ADAM17: variants seen among roughly 807,000 people sequenced by gnomAD.
The protein encoded by ADAM17 is ADAM metallopeptidase domain 17.
A neutral mutation model predicts 96.7 loss-of-function variants in ADAM17; 39 were observed. That is an observed-to-expected ratio of 0.40 (90% confidence interval 0.31 to 0.53). The LOEUF (loss-of-function observed/expected upper bound fraction) is 0.53, where lower values mean the gene tolerates loss of function less well. ADAM17 is among the 20% of genes least tolerant of loss of function. The probability of loss-of-function intolerance (pLI) is 0.44; values close to 1 mark genes in which losing one functional copy is unlikely to be tolerated. For synonymous variants in ADAM17, 344 were observed against 359.2 expected, an observed-to-expected ratio of 0.96 and a Z score of 0.48; for missense variants, 777 against 1,013.2, an observed-to-expected ratio of 0.77 and a Z score of 3.17.
At chr2:9,531,610 G>C (rs958925606) in intron 4 of ADAM17, among the ~76,000 whole-genome samples, 8 of 152,130 alleles carry the variant, frequency 5.3e-5, no homozygotes, top group Non-Finnish European at 1.0e-4. Flanking sequence ...GCTGAGGCAG[G>C]AGAAATGCTT....
intron 2 of ADAM17, 62 bp downstream of exon 2, chr2:9,543,091 T>G (rs1305932279): frequency 1.4e-6 from 2 of 1,472,886 alleles, no homozygotes; most frequent in Non-Finnish European, 1.8e-6. Context: ...CCCTTACTTT[T>G]TTGTTTTTGC....
intron 10 of ADAM17, among the ~76,000 whole-genome samples, chr2:9,514,518 A>AATATATATATATATAT (rs70948826): frequency 2.8e-4 from 25 of 89,848 alleles, no homozygotes; most frequent in East Asian, 5.3e-4. Context: ...TTAAAATATA[A>AATATATATATATATAT]ATATATATAT....
intron 10 of ADAM17, 130 bp from the exon 11 acceptor site, chr2:9,510,261 A>T: frequency 9.7e-7 from 1 of 1,032,940 alleles, no homozygotes; most frequent in Non-Finnish European, 1.4e-6. Flanking sequence ...CTGCATGCTT[A>T]TAATACCAGC....
chr2:9,505,591 C>T (rs1663339899), intron 11 of ADAM17: 2 of 547,830 alleles, frequency 3.7e-6, no homozygotes, highest in South Asian at 4.2e-5. Context: ...GGTTAAGGAT[C>T]TATAATTCTT....
chr2:9,543,467 T>C (rs929809513), intron 1 of ADAM17, among the ~76,000 whole-genome samples, 182 bp from the exon 2 acceptor site: 1 of 152,244 alleles, frequency 6.6e-6, no homozygotes, highest in Admixed American at 6.5e-5. Context: ...TCAGGATTTT[T>C]AGAAGACAAA....
chr2:9,541,463 T>A (rs957845991), intron 2 of ADAM17, among the ~76,000 whole-genome samples: 1 of 152,048 alleles, frequency 6.6e-6, no homozygotes, highest in Non-Finnish European at 1.5e-5. Context: ...CTCGGGAAGC[T>A]GAGGCAGGAG....
intron 10 of ADAM17, among the ~76,000 whole-genome samples, chr2:9,511,774 C>T (rs928407976): frequency 6.6e-6 from 1 of 152,038 alleles, no homozygotes; most frequent in Admixed American, 6.6e-5. Context: ...AGTTCCAGAC[C>T]AGACTGGCCA....
chr2:9,491,321 T>C (rs1192017898), intron 17 of ADAM17, among the ~76,000 whole-genome samples, 170 bp from the exon 18 acceptor site: 1 of 152,264 alleles, frequency 6.6e-6, no homozygotes, highest in Admixed American at 6.5e-5. Flanking sequence ...GCTTTAGTTA[T>C]GCCACCAGTC....
chr2:9,505,430 T>C, intron 11 of ADAM17, 65 bp from the exon 12 acceptor site: 1 of 1,495,186 alleles, frequency 6.7e-7, no homozygotes. Flanking sequence ...CATGCAATGT[T>C]TGTGTCTTCT....
chr2:9,546,654 T>C (rs1665412965), intron 1 of ADAM17, among the ~76,000 whole-genome samples: 1 of 152,046 alleles, frequency 6.6e-6, no homozygotes, highest in Non-Finnish European at 1.5e-5. Context: ...CAGTAGAGTT[T>C]ATTACAGTTA....
At chr2:9,534,713 A>G (rs1664891216) in intron 4 of ADAM17, among the ~76,000 whole-genome samples, 1 of 151,770 alleles carries the variant, frequency 6.6e-6, no homozygotes, top group South Asian at 2.1e-4. Flanking sequence ...TTACACATAG[A>G]AAAAAAAATT....
chr2:9,498,799 G>A (rs780278643), intron 13 of ADAM17, among the ~76,000 whole-genome samples: 21 of 152,202 alleles, frequency 1.4e-4, no homozygotes, highest in Non-Finnish European at 3.1e-4. Flanking sequence ...ATATGATACT[G>A]CCCTGATACA....
chr2:9,490,310 G>C lies in ADAM17; in HGVS notation c.2342C>G (p.Pro781Arg). 6.2e-7 allele frequency: 1 copy of C among 1,614,162 alleles called. No individual in the cohort carries two copies. The highest frequency in any genetic ancestry group is 8.5e-7 in the Non-Finnish European group (1 of 1,180,038). Residue 781 changes from proline (P) to arginine (R), a missense_variant, in exon 19 of 19, where the codon CCC (proline) becomes CGC (arginine). Physicochemically the swap from Pro to Arg is moderately radical, Grantham distance 103 (BLOSUM62 -2). This residue lies in a region of ADAM17 where 197 missense variants were observed against 219.4 expected (regional missense o/e 0.90). Coordinates refer to ENST00000310823, the MANE Select transcript of ADAM17 (RefSeq NM_003183.6). Reference protein sequence around the residue: ...HMDEDGFEKDPFPNSSTAAKS... With the variant: ...HMDEDGFEKDRFPNSSTAAKS... ...GGCAGCTGTGCTGCTATTTGGGAAG[G>C]GGTCCTTCTCAAACCCATCCTCGTC...
chr2:9,544,477 A>G (rs1201647320), intron 1 of ADAM17, among the ~76,000 whole-genome samples: 2 of 152,028 alleles, frequency 1.3e-5, no homozygotes, highest in East Asian at 3.9e-4. Flanking sequence ...GGGAGCTGAG[A>G]TTGCACCACT....
intron 5 of ADAM17, 37 bp downstream of exon 5, chr2:9,527,749 T>A (rs1318614671): frequency 7.1e-7 from 1 of 1,405,148 alleles, no homozygotes; most frequent in African/African-American, 1.5e-5. Flanking sequence ...TTGTAGTATG[T>A]TTGTTTCTTA....
At chr2:9,506,426 G>C (rs1008561506) in intron 11 of ADAM17, among the ~76,000 whole-genome samples, 10 of 145,086 alleles carry the variant, frequency 6.9e-5, no homozygotes, top group African/African-American at 2.3e-4. Context: ...GACTACAGAG[G>C]CACAATCTTG....
Position 9,501,463 on chromosome 2 carries a change from C to T in ADAM17, c.1648+710G>A, listed in dbSNP as rs552958136. On this transcript the variant is annotated intron_variant, in intron 13 of 18. Coordinates refer to ENST00000310823, the MANE Select transcript of ADAM17 (RefSeq NM_003183.6). The stretch of plus-strand genomic sequence containing the variant: ...AGAAACACACAGGTTCCTGAAGGGA[C>T]GTAGGAGGATGTGATCTGTGTCCTA... Among the ~76,000 whole-genome samples the T allele has an allele frequency of 3.9e-5, 6 of 152,142 alleles. No individual in the cohort carries two copies. The South Asian group carries it at 8.3e-4, about 21-fold the overall frequency.
intron 8 of ADAM17, among the ~76,000 whole-genome samples, chr2:9,520,031 T>C (rs1186785381): frequency 6.6e-6 from 1 of 152,264 alleles, no homozygotes; most frequent in Non-Finnish European, 1.5e-5. Flanking sequence ...CTGCACATTA[T>C]GCTTCTCCAT....
intron 1 of ADAM17, among the ~76,000 whole-genome samples, chr2:9,553,396 G>A (rs942088249): frequency 8.6e-5 from 13 of 151,648 alleles, no homozygotes; most frequent in South Asian, 4.1e-4. Flanking sequence ...AAAAGAGGCC[G>A]GGCCTGGTGG....
Sources: allele counts gnomAD v4.1 joint callset (sites outside exome capture counted in the v4.1 genomes callset), GRCh38; gene constraint gnomAD v4.1.1; regional missense constraint gnomAD v4.1.1; transcripts MANE v1.5; gene names NCBI Gene and HGNC (gene_info 2026-07-23, HGNC 2026-07-21).